Variants in NCAM1 observed in about 807,000 individuals in gnomAD.
NCAM1 encodes the protein neural cell adhesion molecule 1, also known as antigen recognized by monoclonal antibody 5.1H11.
In NCAM1, 14 loss-of-function variants were observed where a neutral mutation model predicts 109.8. The observed-to-expected ratio is 0.13, with a 90% CI of 0.08 to 0.20. The LOEUF is 0.20. NCAM1 is among the 10% of genes least tolerant of loss of function. NCAM1 has a pLI of 1.00. For missense variants in NCAM1, 774 were observed against 1,109.9 expected (o/e 0.70, Z 4.30); for synonymous variants, 418 against 442.9 (o/e 0.94, Z 0.70).
At chr11:113,138,477 C>G (rs1260699931) in intron 1 of NCAM1, among the ~76,000 whole-genome samples, 2 of 152,172 alleles carry the variant, frequency 1.3e-5, no homozygotes, top group African/African-American at 4.8e-5. Context: ...GAATGACGGC[C>G]CCGTCACTAT....
At chr11:113,237,937 GATATAT>G (rs55807221) in intron 14 of NCAM1, among the ~76,000 whole-genome samples, 1 of 143,210 alleles carries the variant, frequency 7.0e-6, no homozygotes. Flanking sequence ...TAGATATATA[GATATAT>G]ATATAGATAT....
At position 113,010,963 on chromosome 11, in the gene NCAM1, AT is replaced by A. The variant is rs201572519; in HGVS notation, c.52+49309del. 7.3e-3 allele frequency among the ~76,000 whole-genome samples: 1,093 copies of A among 149,894 alleles called. 17 individuals are homozygous for A. Among genetic ancestry groups the A allele is most frequent in the African/African-American group, 0.024 (967 of 40,894 alleles). ...TTTGAGGGCCTTTACTTGGGGTAGGATTTTTTTTTTAACTATACTTTAAGTT... is the reference window on the plus strand; with the variant it reads ...TTTGAGGGCCTTTACTTGGGGTAGGATTTTTTTTTAACTATACTTTAAGTT... On this transcript the variant is annotated intron_variant, in intron 1 of 19. Transcript: ENST00000316851.
chr11:113,264,081 C>G (rs1232536623), intron 17 of NCAM1: 20 of 985,194 alleles, frequency 2.0e-5, no homozygotes, highest in Non-Finnish European at 2.3e-5. Flanking sequence ...AGGGCTGAAT[C>G]CTGCTTGGTA....
At chr11:113,074,363 C>T (rs1938433813) in intron 1 of NCAM1, among the ~76,000 whole-genome samples, 1 of 152,096 alleles carries the variant, frequency 6.6e-6, no homozygotes, top group South Asian at 2.1e-4. Context: ...AAGGGTGCAC[C>T]TGAGGAAATA....
Position 113,038,462 on chromosome 11 carries a change from G to A in NCAM1, c.52+76798G>A, listed in dbSNP as rs574760225. 4.9e-4 allele frequency among the ~76,000 whole-genome samples: 74 copies of A among 152,286 alleles called. 3 individuals are homozygous for A. In the South Asian group the frequency reaches 0.015, roughly 31 times the overall value. On this transcript the variant is annotated intron_variant, in intron 1 of 19. Transcript: ENST00000316851. ...GTCCGGACTTGACTTGGTCTGACTT[G>A]CATTGTATTTATTTTTATTCTCGTC...
chr11:113,020,160 T>C (rs1321827455), intron 1 of NCAM1, among the ~76,000 whole-genome samples: 2 of 152,202 alleles, frequency 1.3e-5, no homozygotes, highest in Non-Finnish European at 2.9e-5. Context: ...CAACAATGTT[T>C]TTGTGATTTG....
At chr11:112,974,609 G>A (rs888565204) in intron 1 of NCAM1, among the ~76,000 whole-genome samples, 1 of 152,016 alleles carries the variant, frequency 6.6e-6, no homozygotes, top group Non-Finnish European at 1.5e-5. Flanking sequence ...TGGATTGGGG[G>A]TAATTTTTTC....
rs1440503868 is a variant in NCAM1, at chr11:113,088,526, TTTGATA to T, written c.53-113851_53-113846del. Among the ~76,000 whole-genome samples the T allele has an allele frequency of 1.4e-4, 14 of 98,866 alleles. No individual in the cohort carries two copies. In the East Asian group the frequency reaches 3.4e-3, roughly 24 times the overall value. 64.9% of individuals were successfully genotyped at this position (98,866 alleles called of 152,430 possible). ...CCGCTGCCCCTGCCCCACTCAACCATTTGATATGGCATAGCGATCTCACTGATCATT... is the reference window on the plus strand; with the variant it reads ...CCGCTGCCCCTGCCCCACTCAACCATTGGCATAGCGATCTCACTGATCATT... On this transcript the variant is annotated intron_variant, in intron 1 of 19. Transcript: ENST00000316851.
intron 1 of NCAM1, among the ~76,000 whole-genome samples, chr11:112,987,828 C>CT (rs77494623): frequency 0.14 from 20,738 of 151,964 alleles, 1,777 homozygotes; most frequent in South Asian, 0.4. Flanking sequence ...GTCAAGTCTT[C>CT]TTTTTTAAAT....
intron 19 of NCAM1, chr11:113,272,985 A>C (rs1591478986): frequency 4.4e-6 from 2 of 456,380 alleles, no homozygotes; most frequent in Non-Finnish European, 8.8e-6. Context: ...TTCTGTCACC[A>C]CCGTCACCAC....
At chr11:113,208,896 G>A (rs1310365752) in intron 7 of NCAM1, among the ~76,000 whole-genome samples, 2 of 152,210 alleles carry the variant, frequency 1.3e-5, no homozygotes, top group African/African-American at 4.8e-5. Flanking sequence ...TGGGCTGGCT[G>A]CTTTGCCTTG....
At chr11:113,175,635 C>A (rs1371303643) in intron 1 of NCAM1, among the ~76,000 whole-genome samples, 2 of 152,176 alleles carry the variant, frequency 1.3e-5, no homozygotes, top group East Asian at 3.8e-4. Flanking sequence ...AATCTTTGAG[C>A]TTTGCTTCTT....
chr11:113,146,141 A>G (rs189501165), intron 1 of NCAM1, among the ~76,000 whole-genome samples: 1 of 152,232 alleles, frequency 6.6e-6, no homozygotes, highest in South Asian at 2.1e-4. Context: ...TCAATTTTTA[A>G]TAAAATTATT....
intron 12 of NCAM1, among the ~76,000 whole-genome samples, 166 bp from the exon 13 acceptor site, chr11:113,232,981 G>T (rs946557029): frequency 6.6e-6 from 1 of 152,194 alleles, no homozygotes; most frequent in African/African-American, 2.4e-5. Flanking sequence ...AGCGCATGGG[G>T]CATGTTGGGG....
rs189161651 is a variant in NCAM1 at position 113,260,841 on chromosome 11, A to G, written c.2131+518A>G. Among the ~76,000 whole-genome samples the G allele has an allele frequency of 2.0e-4, 31 of 152,324 alleles. No individual in the cohort carries two copies. In the East Asian group the frequency reaches 6.0e-3, roughly 29 times the overall value. ...AACCCTATCTACCAAAGGCCTCTCA[A>G]TGGAAACAGATTAAATTGAACCACT... On this transcript the variant is annotated intron_variant, in intron 17 of 19. Transcript: ENST00000316851.
chr11:113,138,180 G>A (rs1484282085), intron 1 of NCAM1, among the ~76,000 whole-genome samples: 3 of 152,182 alleles, frequency 2.0e-5, no homozygotes, highest in South Asian at 2.1e-4. Context: ...ATCGACCATG[G>A]ATAACTCCCT....
At chr11:113,038,189 ATGT>A (rs1265786841) in intron 1 of NCAM1, among the ~76,000 whole-genome samples, 3 of 152,164 alleles carry the variant, frequency 2.0e-5, no homozygotes, top group Non-Finnish European at 4.4e-5. Flanking sequence ...CAGTTCTAAC[ATGT>A]TGTTCGAATT....
chr11:113,035,689 A>G (rs1470178362), intron 1 of NCAM1, among the ~76,000 whole-genome samples: 2 of 152,230 alleles, frequency 1.3e-5, no homozygotes, highest in Non-Finnish European at 1.5e-5. Context: ...TTCTAGATGA[A>G]ATGTAACACT....
chr11:112,991,380 T>G (rs528552187), intron 1 of NCAM1, among the ~76,000 whole-genome samples: 10 of 152,300 alleles, frequency 6.6e-5, no homozygotes, highest in African/African-American at 2.4e-4. Flanking sequence ...TTCAACAATG[T>G]GATGTGGTTT....
Sources: gnomAD v4.1 joint callset for allele counts (sites outside exome capture counted in the v4.1 genomes callset) on GRCh38, gnomAD v4.1.1 for gene constraint, MANE v1.5 for transcripts, NCBI Gene and HGNC (gene_info 2026-07-23, HGNC 2026-07-21) for gene names.